MEMO1: variants seen among roughly 807,000 people sequenced by gnomAD.
The protein encoded by MEMO1 is protein MEMO1.
MEMO1 carries 6 observed loss-of-function variants against 45.2 expected under a neutral mutation model. The observed-to-expected ratio is 0.13, with a 90% CI of 0.07 to 0.26. The LOEUF is 0.26. Ranked by LOEUF, MEMO1 falls within the 10% of genes least tolerant of loss-of-function variation. The pLI, the probability that MEMO1 is intolerant of heterozygous loss-of-function variation, is 1.00. For missense variants in MEMO1, 184 were observed against 370.5 expected, an observed-to-expected ratio of 0.50 and a Z score of 4.13; for synonymous variants, 78 against 124.3, an observed-to-expected ratio of 0.63 and a Z score of 2.48.
intron 8 of MEMO1, among the ~76,000 whole-genome samples, chr2:31,875,363 G>C (rs1288549554): frequency 3.3e-5 from 5 of 151,894 alleles, no homozygotes; most frequent in Non-Finnish European, 5.9e-5. Context: ...TTTGAGACAG[G>C]GTCTCAGCAA....
At chr2:31,941,442 G>C (rs1665604310) in intron 3 of MEMO1, among the ~76,000 whole-genome samples, 1 of 152,040 alleles carries the variant, frequency 6.6e-6, no homozygotes, top group Admixed American at 6.5e-5. Context: ...TCCTCTATCT[G>C]CTTTATTTTT....
In MEMO1 at chr2:31,905,209, G is replaced by T. The variant is rs943068691; in HGVS notation, c.437+12717C>A. Among the ~76,000 whole-genome samples, 31 of 152,042 alleles carry T rather than the reference G, an allele frequency of 2.0e-4. 2 individuals are homozygous for T. The stretch of plus-strand genomic sequence containing the variant: ...TAAGCATGCCACTGGACTCCAGCCT[G>T]GGTAACAGAGTGAAATCCTATCTCC... On this transcript the variant is annotated intron_variant, in intron 6 of 9. Transcript: ENST00000404530.
chr2:31,922,459 T>C (rs1479465651), intron 4 of MEMO1, among the ~76,000 whole-genome samples: 2 of 152,066 alleles, frequency 1.3e-5, no homozygotes, highest in Admixed American at 1.3e-4. Flanking sequence ...CCATTTCTGG[T>C]CAGAAACAGA....
At chr2:31,884,227 T>C (rs1675825299) in intron 7 of MEMO1, among the ~76,000 whole-genome samples, 1 of 152,170 alleles carries the variant, frequency 6.6e-6, no homozygotes, top group Non-Finnish European at 1.5e-5. Context: ...TGTTTCCTAC[T>C]AGTTACATGA....
intron 6 of MEMO1, among the ~76,000 whole-genome samples, chr2:31,898,700 TAG>T (rs1420542758): frequency 2.0e-5 from 3 of 152,164 alleles, no homozygotes; most frequent in African/African-American, 7.2e-5. Context: ...TGATTTGGGG[TAG>T]AGAGTTCCCC....
chr2:32,007,633 G>A (rs1674267914), intron 2 of MEMO1, among the ~76,000 whole-genome samples: 1 of 152,028 alleles, frequency 6.6e-6, no homozygotes, highest in Admixed American at 6.6e-5. Flanking sequence ...TAATTCTACG[G>A]ACGCAACTTG....
At chr2:31,907,382 T>C (rs970756518) in intron 6 of MEMO1, among the ~76,000 whole-genome samples, 1 of 152,208 alleles carries the variant, frequency 6.6e-6, no homozygotes, top group Non-Finnish European at 1.5e-5. Context: ...TCCTTAAACA[T>C]AGATTAGTAC....
chr2:31,963,463 T>A (rs1022283377), intron 2 of MEMO1, among the ~76,000 whole-genome samples: 8 of 152,226 alleles, frequency 5.3e-5, no homozygotes, highest in African/African-American at 1.9e-4. Context: ...TTTTGGACAA[T>A]GGTAGGAAAC....
intron 2 of MEMO1, among the ~76,000 whole-genome samples, chr2:31,971,453 C>T (rs1302176178): frequency 6.6e-6 from 1 of 152,128 alleles, no homozygotes; most frequent in Admixed American, 6.6e-5. Flanking sequence ...TGGTCTTGCA[C>T]TCCTGGGCTC....
chr2:32,006,774 G>A (rs1162581776), intron 2 of MEMO1, among the ~76,000 whole-genome samples: 1 of 151,936 alleles, frequency 6.6e-6, no homozygotes, highest in African/African-American at 2.4e-5. Context: ...AGACCAGCCT[G>A]GCCAATATGG....
chr2:31,904,356 G>C (rs1361354455), intron 6 of MEMO1, among the ~76,000 whole-genome samples: 2 of 152,190 alleles, frequency 1.3e-5, no homozygotes, highest in Non-Finnish European at 2.9e-5. Context: ...CCTTCTGAGA[G>C]CCTGGAATTT....
At chr2:31,943,447 G>A (rs1414497448) in intron 2 of MEMO1, 64 bp from the exon 3 acceptor site, 1 of 1,178,246 alleles carries the variant, frequency 8.5e-7, no homozygotes, top group South Asian at 1.2e-5. Context: ...AACATATGTG[G>A]CATAAAGCCC....
chr2:31,946,586 G>C (rs1666223097), intron 2 of MEMO1, among the ~76,000 whole-genome samples: 1 of 152,162 alleles, frequency 6.6e-6, no homozygotes, highest in Non-Finnish European at 1.5e-5. Context: ...ACCGGGCCAG[G>C]CGCGGTGGCT....
intron 2 of MEMO1, among the ~76,000 whole-genome samples, chr2:31,951,341 T>C (rs956279995): frequency 3.9e-5 from 6 of 152,116 alleles, no homozygotes; most frequent in African/African-American, 1.4e-4. Context: ...CATATTAAAA[T>C]TCATGAAATA....
At chr2:31,891,090 T>C (rs1054833378) in intron 7 of MEMO1, among the ~76,000 whole-genome samples, 20 of 152,160 alleles carry the variant, frequency 1.3e-4, no homozygotes, top group Admixed American at 6.6e-5. Flanking sequence ...TAAAATGCCA[T>C]GGCTCCCTAT....
intron 2 of MEMO1, among the ~76,000 whole-genome samples, chr2:31,968,220 A>G (rs1231176539): frequency 3.3e-5 from 5 of 152,226 alleles, no homozygotes; most frequent in African/African-American, 1.2e-4. Flanking sequence ...CATCTGTCTG[A>G]GCCAGTTTCC....
At chr2:31,976,002 T>C (rs560397952) in intron 2 of MEMO1, among the ~76,000 whole-genome samples, 12 of 152,192 alleles carry the variant, frequency 7.9e-5, no homozygotes, top group African/African-American at 2.4e-4. Context: ...GTGATTCTTC[T>C]GCCTCAGCCT....
At position 32,008,787 on chromosome 2, in the gene MEMO1, C is replaced by A. The variant is rs1204251714; in HGVS notation, c.61+1400G>T. ...TGTTAGCTATAGCTGCAAATCCAAT[C>A]CTCACAATTCTTTTGTGTCTCCCTA... On this transcript the variant is annotated intron_variant, in intron 2 of 9. Transcript: ENST00000404530. Among the ~76,000 whole-genome samples, 6 of 152,212 alleles carry A rather than the reference C, an allele frequency of 3.9e-5. No homozygotes were observed. In the East Asian group the frequency reaches 1.2e-3, roughly 29 times the overall value.
At chr2:31,935,768 G>A (rs554504116) in intron 3 of MEMO1, among the ~76,000 whole-genome samples, 1 of 152,136 alleles carries the variant, frequency 6.6e-6, no homozygotes, top group African/African-American at 2.4e-5. Context: ...AACAGACCCT[G>A]CGATTCTACA....
Sources: gnomAD v4.1 joint callset for allele counts (sites outside exome capture counted in the v4.1 genomes callset) on GRCh38, gnomAD v4.1.1 for gene constraint, MANE v1.5 for transcripts, NCBI Gene and HGNC (gene_info 2026-07-23, HGNC 2026-07-21) for gene names.